Variants in ZNF280D observed in about 807,000 individuals in gnomAD.
ZNF280D encodes zinc finger protein 280D.
Under a neutral mutation model 94.7 loss-of-function variants are expected in ZNF280D, and 39 were observed. The ratio of observed to expected loss-of-function variants is 0.41; its 90% CI spans 0.32 to 0.54. The LOEUF (loss-of-function observed/expected upper bound fraction) is 0.54. ZNF280D is among the 20% of genes least tolerant of loss of function. The pLI, the probability that ZNF280D is intolerant of heterozygous loss-of-function variation, is 0.22. For missense variants in ZNF280D, 1,090 were observed against 1,149.3 expected, an observed-to-expected ratio of 0.95 and a Z score of 0.75; for synonymous variants, 398 against 377.6, an observed-to-expected ratio of 1.05 and a Z score of -0.63.
At chr15:56,686,196 T>C (rs1472819160) in intron 9 of ZNF280D, among the ~76,000 whole-genome samples, 2 of 152,198 alleles carry the variant, frequency 1.3e-5, no homozygotes, top group Non-Finnish European at 2.9e-5. Flanking sequence ...TGGAGGGCAG[T>C]GGTGCCATCT....
At chr15:56,718,493 T>C (rs1393113551) in intron 1 of ZNF280D, among the ~76,000 whole-genome samples, 2 of 152,332 alleles carry the variant, frequency 1.3e-5, no homozygotes, top group African/African-American at 4.8e-5. Flanking sequence ...TTTTTGTAAA[T>C]GCAAAATTCT....
intron 1 of ZNF280D, among the ~76,000 whole-genome samples, chr15:56,717,726 C>T (rs2058120774): frequency 6.6e-6 from 1 of 152,078 alleles, no homozygotes; most frequent in Admixed American, 6.6e-5. Flanking sequence ...TTTAGTTATA[C>T]AGGGTAAGTA....
At chr15:56,681,258 T>C (rs1431903404) in intron 10 of ZNF280D, among the ~76,000 whole-genome samples, 1 of 152,176 alleles carries the variant, frequency 6.6e-6, no homozygotes, top group Non-Finnish European at 1.5e-5. Context: ...CAGAAGTAAC[T>C]ACAGCTGCTT....
chr15:56,692,816 A>T lies in ZNF280D; in HGVS notation c.499+282T>A, dbSNP rs182996047. On this transcript the variant is annotated intron_variant, in intron 7 of 21. Transcript: ENST00000267807. Reference sequence around the variant, plus strand: ...GGCTACCTGAGAAGTTCTCTAACTCACAGAAATTATTTTAATATTTCTCAG... The same window carrying T: ...GGCTACCTGAGAAGTTCTCTAACTCTCAGAAATTATTTTAATATTTCTCAG... Among the ~76,000 whole-genome samples the T allele has an allele frequency of 2.1e-3, 327 of 152,240 alleles. 2 individuals carry two copies. The highest frequency in any genetic ancestry group is 7.6e-3 in the African/African-American group (317 of 41,586).
At chr15:56,727,190 C>A (rs938541900) in intron 1 of ZNF280D, among the ~76,000 whole-genome samples, 7 of 151,494 alleles carry the variant, frequency 4.6e-5, no homozygotes, top group Non-Finnish European at 1.0e-4. Context: ...AGGAAACTGG[C>A]TGGGCGTGGT....
At chr15:56,644,900 C>T (rs2052803872) in intron 19 of ZNF280D, among the ~76,000 whole-genome samples, 1 of 152,112 alleles carries the variant, frequency 6.6e-6, no homozygotes, top group African/African-American at 2.4e-5. Flanking sequence ...TGATTTCAAT[C>T]TTGTTTTGTG....
intron 16 of ZNF280D, among the ~76,000 whole-genome samples, chr15:56,664,400 T>C (rs558664029): frequency 6.6e-6 from 1 of 152,136 alleles, no homozygotes; most frequent in East Asian, 1.9e-4. Flanking sequence ...GAAGGAACCA[T>C]ATAGAGAGAA....
intron 7 of ZNF280D, among the ~76,000 whole-genome samples, chr15:56,691,853 T>A (rs903906902): frequency 8.5e-5 from 13 of 152,186 alleles, no homozygotes; most frequent in African/African-American, 2.9e-4. Context: ...CATGTCCAAA[T>A]GAATGGTTCC....
chr15:56,701,345 A>G (rs1381338118), intron 4 of ZNF280D, 107 bp from the exon 5 acceptor site: 1 of 732,892 alleles, frequency 1.4e-6, no homozygotes, highest in African/African-American at 1.8e-5. Flanking sequence ...TGGAAGGAGT[A>G]TATAACTAAT....
chr15:56,654,001 T>C (rs1445309900), intron 19 of ZNF280D, 197 bp downstream of exon 19: 2 of 1,435,220 alleles, frequency 1.4e-6, no homozygotes, highest in Non-Finnish European at 1.8e-6. Context: ...ACTTTGAACT[T>C]AGGAAATTCC....
chr15:56,730,335 C>G (rs985722045), intron 1 of ZNF280D: 1 of 152,110 alleles, frequency 6.6e-6, no homozygotes, highest in Non-Finnish European at 1.5e-5. Flanking sequence ...GTGAATATGT[C>G]GTAAGTATTC....
In ZNF280D at chr15:56,632,131, T is replaced by G; in HGVS notation, c.2316-9A>C. The G allele has an allele frequency of 6.5e-7, 1 of 1,541,222 alleles. No homozygotes were observed. Among genetic ancestry groups the G allele is most frequent in the Non-Finnish European group, 8.7e-7 (1 of 1,148,188 alleles). ...CAGCTTTATCTTGTTTACTGAAAAA[T>G]AAAGTCATTTATTATGTATTTCTTC... is the stretch of plus-strand genomic sequence containing the variant. On this transcript the variant is annotated splice_polypyrimidine_tract_variant and intron_variant, in intron 21 of 21. Transcript: ENST00000267807.
chr15:56,636,413 C>A (rs1015677280), intron 20 of ZNF280D, among the ~76,000 whole-genome samples: 2 of 151,968 alleles, frequency 1.3e-5, no homozygotes, highest in East Asian at 3.9e-4. Flanking sequence ...ATGCTCCTTC[C>A]CCGCAACTTA....
At chr15:56,642,875 GA>G in intron 20 of ZNF280D, 76 bp downstream of exon 20, 29 of 1,123,804 alleles carry the variant, frequency 2.6e-5, no homozygotes, top group South Asian at 1.1e-4. Context: ...TGCTGAAATT[GA>G]AAAAAAATTT....
At chr15:56,707,362 A>T in intron 1 of ZNF280D, 56 bp from the exon 2 acceptor site, 1 of 1,427,470 alleles carries the variant, frequency 7.0e-7, no homozygotes, top group Non-Finnish European at 9.4e-7. Context: ...AGATGTATAC[A>T]TATTTAATCT....
rs558866096 is a variant in ZNF280D at position 56,650,776 on chromosome 15, C to A, written c.2213+3422G>T. ...TTACTTCTATTTTGTTATAATTCAT[C>A]CATCCAGGTAGATATACAAGAAAAC... is the stretch of plus-strand genomic sequence containing the variant. On this transcript the variant is annotated intron_variant, in intron 19 of 21. Transcript: ENST00000267807. Among the ~76,000 whole-genome samples the A allele has an allele frequency of 1.2e-4, 19 of 152,204 alleles. No homozygotes were observed. In the South Asian group the frequency reaches 3.9e-3, roughly 32 times the overall value.
chr15:56,677,521 C>G, intron 12 of ZNF280D, 53 bp downstream of exon 12: 2 of 1,372,548 alleles, frequency 1.5e-6, no homozygotes, highest in Non-Finnish European at 1.0e-6. Context: ...AATTTTATAA[C>G]CAAAACAACA....
intron 1 of ZNF280D, among the ~76,000 whole-genome samples, chr15:56,725,508 T>C (rs556660120): frequency 4.6e-5 from 7 of 152,312 alleles, no homozygotes; most frequent in Middle Eastern, 6.8e-3. Flanking sequence ...TACCTCATTG[T>C]CTTAATAAAG....
In ZNF280D at chr15:56,662,063, C is replaced by G. The variant is rs562148070; in HGVS notation, c.1995-3577G>C. Among the ~76,000 whole-genome samples the G allele has an allele frequency of 2.0e-5, 3 of 152,070 alleles. No individual in the cohort carries two copies. In the South Asian group the frequency reaches 6.3e-4, roughly 32 times the overall value. Reference sequence around the variant, plus strand: ...GTAGGTACATAATAAAATACATGAACCTGGTTGAAATAATAAAACTCTGCT... The same window carrying G: ...GTAGGTACATAATAAAATACATGAAGCTGGTTGAAATAATAAAACTCTGCT... On this transcript the variant is annotated intron_variant, in intron 16 of 21. Transcript: ENST00000267807.
Sources: allele counts gnomAD v4.1 joint callset (sites outside exome capture counted in the v4.1 genomes callset), GRCh38; gene constraint gnomAD v4.1.1; transcripts MANE v1.5; gene names NCBI Gene and HGNC (gene_info 2026-07-23, HGNC 2026-07-21).